The following ALKBH6 variants were observed in gnomAD, a reference collection of about 807,000 sequenced individuals.
ALKBH6 encodes probable RNA/DNA demethylase ALKBH6.
In ALKBH6, 20 loss-of-function variants were observed where a neutral mutation model predicts 25.1. That is an observed-to-expected ratio of 0.80 (90% CI 0.56 to 1.16). The LOEUF is 1.16. Among genes scored for constraint, ALKBH6 ranks in the 50% most tolerant of loss-of-function variants. The probability of loss-of-function intolerance (pLI) is 0.00; values close to 1 mark genes in which losing one functional copy is unlikely to be tolerated. For synonymous variants in ALKBH6, 156 were observed against 147.5 expected, an observed-to-expected ratio of 1.06 and a Z score of -0.42; for missense variants, 263 against 326.5, an observed-to-expected ratio of 0.81 and a Z score of 1.50.
chr19:36,009,900 A>G (rs1348601623), intron 6 of ALKBH6, among the ~76,000 whole-genome samples: 2 of 152,094 alleles, frequency 1.3e-5, no homozygotes, highest in African/African-American at 4.8e-5. Flanking sequence ...CAGGAAATAC[A>G]GGCAGAGCTG....
At position 36,011,045 on chromosome 19, in the gene ALKBH6, C is replaced by A. The variant is rs776454709; in HGVS notation, c.185G>T (p.Gly62Val). 11 of 1,602,766 alleles carry A rather than the reference C, an allele frequency of 6.9e-6. No individual in the cohort carries two copies. The highest frequency in any genetic ancestry group is 1.1e-5 in the South Asian group (1 of 89,688). Reference sequence around the variant, plus strand: ...CATCCCTCGGGGATGAGGAAGCCCACCTGGGGAAGGCAATGGGGTCCTGAG... The same window carrying A: ...CATCCCTCGGGGATGAGGAAGCCCAACTGGGGAAGGCAATGGGGTCCTGAG... ...QLSGRKLQNWGGLPHPRGMVP... is the reference protein window; with the variant it reads ...QLSGRKLQNWVGLPHPRGMVP... Residue 62 changes from glycine (G) to valine (V), a missense_variant and splice_region_variant, in exon 5 of 7, where the codon GGT (glycine) becomes GTT (valine). Around this residue, in one of 3 missense-constraint regions of ALKBH6, gnomAD observed 112 missense variants for 153.0 expected, o/e 0.73. Coordinates refer to ENST00000378875, the MANE Select transcript of ALKBH6 (RefSeq NM_032878.5).
rs756240590 is a variant in ALKBH6, at chr19:36,013,360, G to A, written c.38C>T (p.Pro13Leu). The change falls in exon 2 of 7, where the codon CCG becomes CTG. Residue 13 changes from proline (P) to leucine (L), a missense_variant. By Grantham distance (98) the Pro-to-Leu change is moderately conservative. Coordinates refer to ENST00000378875, the MANE Select transcript of ALKBH6 (RefSeq NM_032878.5). This position sits in a 1 kb window ranked among gnomAD's most constrained non-coding sequence, Gnocchi z 4.6. ...TCTGACAACCTGCTCCACTCTGAAC[G>A]GTTCCAGGGCTGGGACTCTGGCGTC... is the stretch of plus-strand genomic sequence containing the variant. ...EQDARVPALE[P>L]FRVEQAPPVI... is the part of the protein sequence containing the mutation. 5 of 1,613,864 alleles carry A rather than the reference G, an allele frequency of 3.1e-6. No homozygotes were observed. Among genetic ancestry groups the A allele is most frequent in the Admixed American group, 1.7e-5 (1 of 59,996 alleles).
chr19:36,011,982 A>G (rs2145372558), intron 3 of ALKBH6: 1 of 153,932 alleles, frequency 6.5e-6, no homozygotes. Context: ...GCTACTTGGG[A>G]GGATGAGACA....
In ALKBH6 at chr19:36,010,655, G is replaced by A. The variant is rs3204366; in HGVS notation, c.365C>T (p.Pro122Leu). The A allele has an allele frequency of 6.8e-6, 11 of 1,613,988 alleles. No individual in the cohort carries two copies. Among genetic ancestry groups the A allele is most frequent in the African/African-American group, 1.3e-5 (1 of 75,008 alleles). The change falls in exon 6 of 7, where the codon CCG becomes CTG. Residue 122 changes from proline to leucine, a missense_variant. Coordinates refer to ENST00000378875, the MANE Select transcript of ALKBH6 (RefSeq NM_032878.5). The surrounding 1 kb of genome is among the most constrained non-coding windows in gnomAD (Gnocchi z 5.5). Reference sequence around the variant, plus strand: ...GCCCAGGCTGATGGTGCTGACAGTCGGGTAGTACAGTGGTCCGTCCTCGTG... The same window carrying A: ...GCCCAGGCTGATGGTGCTGACAGTCAGGTAGTACAGTGGTCCGTCCTCGTG... ...MPHEDGPLYYPTVSTISLGSH... is the reference protein window; with the variant it reads ...MPHEDGPLYYLTVSTISLGSH...
intron 3 of ALKBH6, chr19:36,012,798 C>A (rs914990824): frequency 1.9e-6 from 1 of 540,004 alleles, no homozygotes; most frequent in African/African-American, 1.9e-5. Context: ...ACTCCCCAGT[C>A]TCAATGATCT....
At chr19:36,009,608 G>GGGGGGGGGGTGGC in intron 6 of ALKBH6, 55 bp from the exon 7 acceptor site, 2 of 336,930 alleles carry the variant, frequency 5.9e-6, no homozygotes, top group Non-Finnish European at 9.0e-6. Context: ...GTGGGGGTGG[G>GGGGGGGGGGTGGC]CGAGAGGTCG....
At chr19:36,012,643 G>A (rs546612263) in intron 3 of ALKBH6, 1 of 182,018 alleles carries the variant, frequency 5.5e-6, no homozygotes, top group Admixed American at 5.7e-5. Flanking sequence ...CAAACCTTAA[G>A]AACAGAATGC....
Position 36,009,542 on chromosome 19 carries a change from C to T in ALKBH6, c.465G>A (p.Pro155=). The change falls in exon 7 of 7, where the codon CCG becomes CCA. Residue 155 remains proline (P), a synonymous_variant. Coordinates refer to ENST00000378875, the MANE Select transcript of ALKBH6 (RefSeq NM_032878.5). The part of the protein sequence containing the change: ...DDDPTEQPRP[P]PRPTTSLLLE... ...GCAGTAGCGAGGTGGTGGGCCGGGGCGGAGGCCGAGGCTGCAGGGCGGGTT... is the reference window on the plus strand; with the variant it reads ...GCAGTAGCGAGGTGGTGGGCCGGGGTGGAGGCCGAGGCTGCAGGGCGGGTT... 1 of 949,188 alleles carries T rather than the reference C, an allele frequency of 1.1e-6. No individual in the cohort carries two copies. The highest frequency in any genetic ancestry group is 1.2e-6 in the Non-Finnish European group (1 of 823,502). 58.8% of individuals were successfully genotyped at this position (949,188 alleles called of 1,614,324 possible).
chr19:36,010,926 C>G lies in ALKBH6; in HGVS notation c.304G>C (p.Val102Leu), dbSNP rs750624920. 1 of 1,613,998 alleles carries G rather than the reference C, an allele frequency of 6.2e-7. No homozygotes were observed. Among genetic ancestry groups the G allele is most frequent in the South Asian group, 1.1e-5 (1 of 91,084 alleles). ...FGGLPANHVL[V>L]NQYLPGEGIM... ...CCCTCCCCAGGCAGATACTGGTTCA[C>G]GAGGACATGGTTAGCTGGGAGGCCT... The change falls in exon 5 of 7, where the codon GTG becomes CTG. Residue 102 changes from valine to leucine, a missense_variant. Transcript: ENST00000378875. The surrounding 1 kb of genome is among the most constrained non-coding windows in gnomAD (Gnocchi z 5.5).
chr19:36,011,273 C>T, intron 4 of ALKBH6, 131 bp downstream of exon 4: 1 of 1,249,108 alleles, frequency 8.0e-7, no homozygotes, highest in Non-Finnish European at 1.1e-6. Context: ...CTGACCCCTT[C>T]AGAATCCTCC....
Position 36,010,338 on chromosome 19 carries a change from C to T in ALKBH6, c.453+229G>A. 1 of 561,194 alleles carries T rather than the reference C, an allele frequency of 1.8e-6. No homozygotes were observed. Among genetic ancestry groups the T allele is most frequent in the East Asian group, 3.0e-5 (1 of 33,450 alleles). 34.8% of individuals were successfully genotyped at this position (561,194 alleles called of 1,614,324 possible). ...TGGGGAGTCAGGGGTATCCATTCAGCAGGTTGGGGCATCGGGGAGCCTGTG... is the reference window on the plus strand; with the variant it reads ...TGGGGAGTCAGGGGTATCCATTCAGTAGGTTGGGGCATCGGGGAGCCTGTG... On this transcript the variant is annotated intron_variant, in intron 6 of 6. Coordinates refer to ENST00000378875, the MANE Select transcript of ALKBH6 (RefSeq NM_032878.5). This position sits in a 1 kb window ranked among gnomAD's most constrained non-coding sequence, Gnocchi z 5.5.
rs767723178 is a variant in ALKBH6 at position 36,013,382 on chromosome 19, C to T, written c.16G>A (p.Ala6Thr). Residue 6 changes from alanine to threonine, a missense_variant, in exon 2 of 7, where the codon GCC becomes ACC. By Grantham distance (58) the Ala-to-Thr change is moderately conservative. Around this residue, in one of 3 missense-constraint regions of ALKBH6, gnomAD observed 112 missense variants for 153.0 expected, o/e 0.73. Transcript: ENST00000378875. The surrounding 1 kb of genome is among the most constrained non-coding windows in gnomAD (Gnocchi z 4.6). Reference protein sequence around the residue: MEEQDARVPALEPFRV... With the variant: MEEQDTRVPALEPFRV... Reference sequence around the variant, plus strand: ...AACGGTTCCAGGGCTGGGACTCTGGCGTCCTGCTCCTCCATCAACACCAAC... The same window carrying T: ...AACGGTTCCAGGGCTGGGACTCTGGTGTCCTGCTCCTCCATCAACACCAAC... The T allele has an allele frequency of 6.2e-6, 10 of 1,613,966 alleles. No homozygotes were observed. The highest frequency in any genetic ancestry group is 4.0e-5 in the African/African-American group (3 of 74,984).
At position 36,010,229 on chromosome 19, in the gene ALKBH6, G is replaced by A. The variant is rs73607778; in HGVS notation, c.453+338C>T. ...AGTAGCAGGACGTCTGGGGCACCCT[G>A]AGCAGGGGCAGATAGAGCATCTGGG... On this transcript the variant is annotated intron_variant, in intron 6 of 6. Coordinates refer to ENST00000378875, the MANE Select transcript of ALKBH6 (RefSeq NM_032878.5). This position sits in a 1 kb window ranked among gnomAD's most constrained non-coding sequence, Gnocchi z 5.5. 15,476 of 288,626 alleles carry A rather than the reference G, an allele frequency of 0.054. 1,168 individuals carry two copies. Among genetic ancestry groups the A allele is most frequent in the African/African-American group, 0.21 (9,722 of 45,694 alleles). 17.9% of individuals were successfully genotyped at this position (288,626 alleles called of 1,614,324 possible). A position where few individuals can be genotyped will look rare whatever the true frequency, so the allele number is the denominator to read the frequency against.
At position 36,013,119 on chromosome 19, in the gene ALKBH6, G is replaced by GC; in HGVS notation, c.55-31dup. 1 of 1,593,456 alleles carries GC rather than the reference G, an allele frequency of 6.3e-7. No individual in the cohort carries two copies. Among genetic ancestry groups the GC allele is most frequent in the East Asian group, 2.2e-5 (1 of 44,760 alleles). ...GATAGAAAGACCCCCTGAAGGTGTG[G>GC]CCCTTCAACCCACACAGAGGACATA... On this transcript the variant is annotated intron_variant, in intron 2 of 6. Transcript: ENST00000378875. The surrounding 1 kb of genome is among the most constrained non-coding windows in gnomAD (Gnocchi z 4.6).
Position 36,009,258 on chromosome 19 carries a change from C to G in ALKBH6, c.*32G>C. On this transcript the variant is annotated 3_prime_UTR_variant, in exon 7 of 7. Transcript: ENST00000378875. Reference sequence around the variant, plus strand: ...CACAGCAGCCCCAAAGGGGCAGGAACCTGGGAATCCGAGGGGTCCCGGCCC... The same window carrying G: ...CACAGCAGCCCCAAAGGGGCAGGAAGCTGGGAATCCGAGGGGTCCCGGCCC... 7.7e-7 allele frequency: 1 copy of G among 1,302,384 alleles called. No individual in the cohort carries two copies. Among genetic ancestry groups the G allele is most frequent in the Middle Eastern group, 2.9e-4 (1 of 3,430 alleles). 80.7% of individuals were successfully genotyped at this position (1,302,384 alleles called of 1,614,324 possible). A position where few individuals can be genotyped will look rare whatever the true frequency, so the allele number is the denominator to read the frequency against.
chr19:36,013,166 G>T lies in ALKBH6; in HGVS notation c.55-77C>A. The T allele has an allele frequency of 6.7e-7, 1 of 1,495,310 alleles. No homozygotes were observed. Among genetic ancestry groups the T allele is most frequent in the Non-Finnish European group, 9.3e-7 (1 of 1,074,014 alleles). 92.6% of individuals were successfully genotyped at this position (1,495,310 alleles called of 1,614,324 possible). A position where few individuals can be genotyped will look rare whatever the true frequency, so the allele number is the denominator to read the frequency against. On this transcript the variant is annotated intron_variant, in intron 2 of 6. Transcript: ENST00000378875. This position sits in a 1 kb window ranked among gnomAD's most constrained non-coding sequence, Gnocchi z 4.6. ...CATATCATCACAGAGCAACCCCTAT[G>T]CCTGGAGACAGGCTCAGGATGTCCT...
chr19:36,013,084 T>G lies in ALKBH6; in HGVS notation c.60A>C (p.Pro20=). The change falls in exon 3 of 7, where the codon CCA becomes CCC. Residue 20 remains proline, a synonymous_variant. Transcript: ENST00000378875. The surrounding 1 kb of genome is among the most constrained non-coding windows in gnomAD (Gnocchi z 4.6). ...AGTCAGGGACATAGTAGATTACAGGTGGTGCCTAGGATAGAAAGACCCCCT... is the reference window on the plus strand; with the variant it reads ...AGTCAGGGACATAGTAGATTACAGGGGGTGCCTAGGATAGAAAGACCCCCT... ...ALEPFRVEQA[P]PVIYYVPDFI... 1.9e-6 allele frequency: 3 copies of G among 1,613,940 alleles called. No homozygotes were observed. Among genetic ancestry groups the G allele is most frequent in the Non-Finnish European group, 1.7e-6 (2 of 1,179,864 alleles).
At position 36,011,449 on chromosome 19, in the gene ALKBH6, T is replaced by C; in HGVS notation, c.139A>G (p.Lys47Glu). ...CCAGAGAGCTGGGTCCACTTTGGCTTTGGGGCATTAAAAACCTAAGAGGTG... is the reference window on the plus strand; with the variant it reads ...CCAGAGAGCTGGGTCCACTTTGGCTCTGGGGCATTAAAAACCTAAGAGGTG... ...YLLRQVFNAP[K>E]PKWTQLSGRK... Residue 47 changes from lysine to glutamate, a missense_variant, in exon 4 of 7, where the codon AAG becomes GAG. Coordinates refer to ENST00000378875, the MANE Select transcript of ALKBH6 (RefSeq NM_032878.5). The C allele has an allele frequency of 1.2e-6, 2 of 1,613,648 alleles. No individual in the cohort carries two copies. The highest frequency in any genetic ancestry group is 2.2e-5 in the South Asian group (2 of 91,042).
In ALKBH6 at chr19:36,010,735, C is replaced by A. The variant is rs2145370062; in HGVS notation, c.337-52G>T. ...AGGGCAGGAGTCCACAACCCCCACCCTCTGGGTCAAAGGGGGGCTTCCCAA... is the reference window on the plus strand; with the variant it reads ...AGGGCAGGAGTCCACAACCCCCACCATCTGGGTCAAAGGGGGGCTTCCCAA... On this transcript the variant is annotated intron_variant, in intron 5 of 6. Transcript: ENST00000378875. The surrounding 1 kb of genome is among the most constrained non-coding windows in gnomAD (Gnocchi z 5.5). 6.3e-7 allele frequency: 1 copy of A among 1,588,688 alleles called. No homozygotes were observed. The highest frequency in any genetic ancestry group is 2.2e-5 in the East Asian group (1 of 44,562).
Sources: gnomAD v4.1 joint callset for allele counts (sites outside exome capture counted in the v4.1 genomes callset) on GRCh38, gnomAD v4.1.1 for gene constraint, gnomAD v4.1.1 regional missense constraint, Gnocchi (gnomAD v3.1) non-coding constraint, MANE v1.5 for transcripts, NCBI Gene and HGNC (gene_info 2026-07-23, HGNC 2026-07-21) for gene names.